Variants in LY96 observed in about 807,000 individuals in gnomAD.
LY96 encodes the protein lymphocyte antigen 96.
Under a neutral mutation model 18.9 loss-of-function variants are expected in LY96, and 18 were observed. That is an observed-to-expected ratio of 0.95 (90% CI 0.66 to 1.41). The LOEUF is 1.41. Among genes scored for constraint, LY96 ranks in the 40% most tolerant of loss-of-function variants. The pLI is 0.00. For synonymous variants in LY96, 66 were observed against 62.6 expected, an observed-to-expected ratio of 1.06 and a Z score of -0.26; for missense variants, 175 against 182.4, an observed-to-expected ratio of 0.96 and a Z score of 0.23.
At chr8:74,010,765 G>A (rs1816513830) in intron 3 of LY96, among the ~76,000 whole-genome samples, 1 of 151,912 alleles carries the variant, frequency 6.6e-6, no homozygotes, top group Non-Finnish European at 1.5e-5. Context: ...TATAATGAGG[G>A]AACTGATGTT....
At chr8:74,098,615 C>T in the LY96 span, among the ~76,000 whole-genome samples, 1 of 152,144 alleles carries the variant, frequency 6.6e-6, no homozygotes, top group Non-Finnish European at 1.5e-5. Context: ...AGTGATCCAC[C>T]CACCTTGGCC....
the LY96 span, among the ~76,000 whole-genome samples, chr8:74,073,475 C>T: frequency 6.6e-6 from 1 of 152,092 alleles, no homozygotes; most frequent in African/African-American, 2.4e-5. Flanking sequence ...AATTCCAGAG[C>T]ACAGCCATGT....
intron 3 of LY96, among the ~76,000 whole-genome samples, chr8:74,025,057 G>A (rs1197559571): frequency 6.6e-6 from 1 of 152,096 alleles, no homozygotes; most frequent in Non-Finnish European, 1.5e-5. Flanking sequence ...GAACTTCTGG[G>A]CTCAAGGGAT....
At chr8:74,085,322 A>G in the LY96 span, among the ~76,000 whole-genome samples, 1 of 152,222 alleles carries the variant, frequency 6.6e-6, no homozygotes, top group Non-Finnish European at 1.5e-5. Flanking sequence ...TTATTCTGGA[A>G]TCACAGAGGA....
chr8:74,078,737 C>T, the LY96 span, among the ~76,000 whole-genome samples: 1 of 152,140 alleles, frequency 6.6e-6, no homozygotes, highest in African/African-American at 2.4e-5. Flanking sequence ...CTTCACAGGC[C>T]TGGGATGGCC....
chr8:74,038,086 A>G, the LY96 span, among the ~76,000 whole-genome samples: 1 of 152,224 alleles, frequency 6.6e-6, no homozygotes, highest in Non-Finnish European at 1.5e-5. Context: ...ATCAAAATAG[A>G]CTTCCAAGAA....
At chr8:74,039,763 C>T in the LY96 span, among the ~76,000 whole-genome samples, 8 of 152,144 alleles carry the variant, frequency 5.3e-5, no homozygotes, top group East Asian at 7.7e-4. Flanking sequence ...TTTCTTCTAC[C>T]GCTATCTACT....
chr8:74,000,289 T>C (rs1816236462), intron 1 of LY96, among the ~76,000 whole-genome samples: 1 of 149,100 alleles, frequency 6.7e-6, no homozygotes, highest in Admixed American at 6.7e-5. Flanking sequence ...AGTAGATCCT[T>C]GCTCTTAAGT....
the LY96 span, among the ~76,000 whole-genome samples, chr8:74,040,961 C>G: frequency 6.6e-6 from 1 of 152,030 alleles, no homozygotes; most frequent in African/African-American, 2.4e-5. Flanking sequence ...CTTCTTGCAA[C>G]TTTTCTATAA....
the LY96 span, among the ~76,000 whole-genome samples, chr8:74,075,358 C>G: frequency 2.8e-4 from 42 of 152,184 alleles, no homozygotes; most frequent in Non-Finnish European, 4.4e-4. Context: ...GCAGCCTCGA[C>G]CTTCTGGGCT....
chr8:73,991,535 T>C lies in LY96; in HGVS notation c.93T>C (p.Ser31=), dbSNP rs764040305. ...QYWVCNSSDA[S]ISYTYCDKMQ... ...GGGTCTGCAACTCATCCGATGCAAG[T>C]ATTTCATACACCTACTGTGGTAAGT... The change falls in exon 1 of 5, where the codon AGT becomes AGC. Residue 31 remains serine, a synonymous_variant. Coordinates refer to ENST00000284818, the MANE Select transcript of LY96 (RefSeq NM_015364.5). The C allele has an allele frequency of 1.2e-5, 20 of 1,601,918 alleles. No individual in the cohort carries two copies. Among genetic ancestry groups the C allele is most frequent in the Non-Finnish European group, 1.7e-5 (20 of 1,169,004 alleles).
chr8:74,002,357 G>A (rs1816314103), intron 1 of LY96, among the ~76,000 whole-genome samples: 1 of 151,286 alleles, frequency 6.6e-6, no homozygotes, highest in Non-Finnish European at 1.5e-5. Flanking sequence ...ATGCATATAT[G>A]GTTCTGGTTG....
At chr8:74,031,419 A>G (rs1221496037), downstream of LY96, among the ~76,000 whole-genome samples, 1 of 152,132 alleles carries the variant, frequency 6.6e-6, no homozygotes, top group Non-Finnish European at 1.5e-5. Context: ...CAAGGTTAGG[A>G]GTTCGAGACC....
At chr8:74,009,076 A>T (rs965733711) in intron 2 of LY96, among the ~76,000 whole-genome samples, 5 of 152,170 alleles carry the variant, frequency 3.3e-5, no homozygotes, top group Non-Finnish European at 5.9e-5. Context: ...AGTGGTTGCA[A>T]AATTGTTTTC....
chr8:74,081,038 CTTT>C, the LY96 span, among the ~76,000 whole-genome samples: 3 of 110,672 alleles, frequency 2.7e-5, no homozygotes, highest in African/African-American at 4.6e-5. Context: ...TTCTTTCTTT[CTTT>C]CTTTCTTTTT....
At chr8:74,098,669 C>T in the LY96 span, among the ~76,000 whole-genome samples, 1 of 152,210 alleles carries the variant, frequency 6.6e-6, no homozygotes, top group Admixed American at 6.5e-5. Context: ...CACACCCAGA[C>T]CATCTTATTC....
At chr8:74,098,482 T>A in the LY96 span, among the ~76,000 whole-genome samples, 2 of 152,138 alleles carry the variant, frequency 1.3e-5, no homozygotes, top group Non-Finnish European at 2.9e-5. Context: ...CTCAAGCGAT[T>A]CTCATGCGCC....
intron 3 of LY96, among the ~76,000 whole-genome samples, chr8:74,024,330 T>C (rs778690030): frequency 3.3e-4 from 50 of 150,418 alleles, no homozygotes; most frequent in Non-Finnish European, 6.8e-4. Context: ...AGATAGAGCC[T>C]ATTATTATTA....
chr8:74,046,903 C>CTTTT, the LY96 span, among the ~76,000 whole-genome samples: 155 of 135,140 alleles, frequency 1.1e-3, 2 homozygotes, highest in African/African-American at 1.5e-3. Context: ...CATTCTCATT[C>CTTTT]TTTTTTTTTT....
Sources: allele counts gnomAD v4.1 joint callset (sites outside exome capture counted in the v4.1 genomes callset), GRCh38; gene constraint gnomAD v4.1.1; transcripts MANE v1.5; gene names NCBI Gene and HGNC (gene_info 2026-07-23, HGNC 2026-07-21).